NLGN1: variants seen among roughly 807,000 people sequenced by gnomAD.
NLGN1 encodes the protein neuroligin-1.
NLGN1 carries 12 observed loss-of-function variants against 65.5 expected under a neutral mutation model. The observed-to-expected ratio is 0.18, with a 90% CI of 0.12 to 0.30. NLGN1 has a LOEUF of 0.30. NLGN1 is among the 10% of genes least tolerant of loss of function. The pLI is 1.00. For missense variants in NLGN1, 750 were observed against 1,007.1 expected (o/e 0.74, Z 3.46); for synonymous variants, 350 against 359.5 (o/e 0.97, Z 0.30).
downstream of NLGN1, among the ~76,000 whole-genome samples, chr3:174,289,384 G>A (rs141112701): frequency 3.2e-4 from 49 of 151,352 alleles, no homozygotes; most frequent in African/African-American, 1.1e-3. Context: ...ATGTGGCTCC[G>A]TTTCTCACAT....
Position 173,400,342 on chromosome 3 carries a change from C to T in NLGN1, c.-390+1855C>T, listed in dbSNP as rs545958215. Among the ~76,000 whole-genome samples, 33 of 152,246 alleles carry T rather than the reference C, an allele frequency of 2.2e-4. No homozygotes were observed. In the South Asian group the frequency reaches 6.4e-3, roughly 30 times the overall value. On this transcript the variant is annotated intron_variant, in intron 1 of 6. Coordinates refer to ENST00000457714, the Ensembl canonical transcript of NLGN1. ...ATTATTACATGCCAAAGTCCACAACCCTAATGCCACTCAATGCTTTTCACA... is the reference window on the plus strand; with the variant it reads ...ATTATTACATGCCAAAGTCCACAACTCTAATGCCACTCAATGCTTTTCACA...
chr3:173,917,497 A>T (rs1387043874), intron 4 of NLGN1, among the ~76,000 whole-genome samples: 1 of 152,218 alleles, frequency 6.6e-6, no homozygotes, highest in Non-Finnish European at 1.5e-5. Context: ...ACAGATACTG[A>T]TACTTTTCTT....
chr3:173,964,545 CA>C (rs528145054), intron 4 of NLGN1, among the ~76,000 whole-genome samples: 92 of 152,262 alleles, frequency 6.0e-4, no homozygotes, highest in African/African-American at 2.1e-3. Flanking sequence ...GATAGAATAT[CA>C]AAGCAGTTCT....
chr3:174,267,891 A>AAAAAT (rs1247035000), intron 4 of NLGN1, among the ~76,000 whole-genome samples: 1 of 152,220 alleles, frequency 6.6e-6, no homozygotes, highest in African/African-American at 2.4e-5. Context: ...TAGTCCAGAA[A>AAAAAT]AAAATGGAAT....
chr3:173,899,123 T>G (rs1401443053), intron 4 of NLGN1, among the ~76,000 whole-genome samples: 1 of 152,144 alleles, frequency 6.6e-6, no homozygotes, highest in African/African-American at 2.4e-5. Context: ...TTCCTTCAAC[T>G]TTTCCTCCAG....
intron 2 of NLGN1, among the ~76,000 whole-genome samples, chr3:173,460,167 A>G (rs1723134539): frequency 6.6e-6 from 1 of 152,130 alleles, no homozygotes; most frequent in Non-Finnish European, 1.5e-5. Flanking sequence ...TTTATAAATC[A>G]TGTAGGAATT....
intron 4 of NLGN1, among the ~76,000 whole-genome samples, chr3:174,003,593 A>T (rs1206023257): frequency 6.6e-6 from 1 of 152,136 alleles, no homozygotes; most frequent in African/African-American, 2.4e-5. Flanking sequence ...AATTCAATAG[A>T]TATATTTTTC....
rs535839852 is a variant in NLGN1, at chr3:173,935,639, C to T, written c.646+127807C>T. Among the ~76,000 whole-genome samples, 280 of 146,978 alleles carry T rather than the reference C, an allele frequency of 1.9e-3. 1 individual carries two copies. The highest frequency in any genetic ancestry group is 7.1e-3 in the African/African-American group (267 of 37,640). ...ACACACACACTCTCTCTCTCTCTCT[C>T]TCTCTCTCTCTCTGTCTCTCTCTGC... On this transcript the variant is annotated intron_variant, in intron 4 of 6. Transcript: ENST00000457714.
At chr3:173,998,342 A>G (rs898707762) in intron 4 of NLGN1, among the ~76,000 whole-genome samples, 1 of 152,204 alleles carries the variant, frequency 6.6e-6, no homozygotes, top group Non-Finnish European at 1.5e-5. Context: ...CCAAGCTTAC[A>G]ACACACTGTT....
At chr3:174,228,701 T>TGC (rs1307847839) in intron 4 of NLGN1, among the ~76,000 whole-genome samples, 2 of 152,070 alleles carry the variant, frequency 1.3e-5, no homozygotes, top group African/African-American at 4.8e-5. Context: ...GCAATAAATG[T>TGC]GCCCTTCCTT....
intron 3 of NLGN1, among the ~76,000 whole-genome samples, chr3:173,664,822 C>T (rs1406678678): frequency 1.3e-5 from 2 of 152,004 alleles, no homozygotes; most frequent in Non-Finnish European, 2.9e-5. Flanking sequence ...GTCTCAAGTT[C>T]GGTGCTCTTT....
intron 2 of NLGN1, among the ~76,000 whole-genome samples, chr3:173,578,034 A>T (rs1410210647): frequency 6.6e-6 from 1 of 152,118 alleles, no homozygotes; most frequent in Admixed American, 6.5e-5. Context: ...CAGGAGATCA[A>T]TACCATCCTG....
intron 4 of NLGN1, among the ~76,000 whole-genome samples, chr3:173,924,164 T>C (rs1184881636): frequency 2.0e-5 from 3 of 152,108 alleles, no homozygotes; most frequent in Non-Finnish European, 4.4e-5. Context: ...TGTATTTATT[T>C]ATTTGGATCA....
intron 4 of NLGN1, among the ~76,000 whole-genome samples, chr3:173,873,776 C>G (rs1334708247): frequency 1.3e-5 from 2 of 152,124 alleles, no homozygotes; most frequent in African/African-American, 4.8e-5. Context: ...GACCAGAGAT[C>G]TTGGACAGTG....
intron 2 of NLGN1, among the ~76,000 whole-genome samples, chr3:173,601,174 A>T (rs1750476211): frequency 6.6e-6 from 1 of 152,014 alleles, no homozygotes; most frequent in Non-Finnish European, 1.5e-5. Context: ...TGTGGGTAAT[A>T]TCTGATTTGG....
chr3:173,633,532 G>A (rs1756086740), intron 3 of NLGN1, among the ~76,000 whole-genome samples: 1 of 152,074 alleles, frequency 6.6e-6, no homozygotes, highest in African/African-American at 2.4e-5. Context: ...AGAGGAATTT[G>A]GTGGCCTAGA....
At chr3:173,774,419 C>G (rs973071706) in intron 3 of NLGN1, among the ~76,000 whole-genome samples, 2 of 152,198 alleles carry the variant, frequency 1.3e-5, no homozygotes, top group African/African-American at 4.8e-5. Flanking sequence ...GTCATCCTAT[C>G]TTTTCCACAC....
chr3:173,546,178 A>G lies in NLGN1; in HGVS notation c.-320-58101A>G, dbSNP rs929651961. On this transcript the variant is annotated intron_variant, in intron 2 of 6. Coordinates refer to ENST00000457714, the Ensembl canonical transcript of NLGN1. The stretch of plus-strand genomic sequence containing the variant: ...ATATATACAATGTAACAAATATGTC[A>G]GCATAACACTGATAGGCTGGAGGTA... 2.0e-5 allele frequency among the ~76,000 whole-genome samples: 3 copies of G among 152,192 alleles called. No individual in the cohort carries two copies. The South Asian group carries it at 6.2e-4, about 31-fold the overall frequency.
At chr3:173,698,763 C>G (rs1007622017) in intron 3 of NLGN1, among the ~76,000 whole-genome samples, 2 of 152,138 alleles carry the variant, frequency 1.3e-5, no homozygotes, top group Non-Finnish European at 2.9e-5. Context: ...TTTCTTTTGA[C>G]ATTATCTGCC....
Sources: allele counts gnomAD v4.1 joint callset (sites outside exome capture counted in the v4.1 genomes callset), GRCh38; gene constraint gnomAD v4.1.1; transcripts MANE v1.5; gene names NCBI Gene and HGNC (gene_info 2026-07-23, HGNC 2026-07-21).